The following SP4 variants were observed in gnomAD, a reference collection of about 807,000 sequenced individuals.
SP4 encodes the protein transcription factor Sp4.
In SP4, 19 loss-of-function variants were observed where a neutral mutation model predicts 72.8. The observed-to-expected ratio is 0.26, with a 90% confidence interval of 0.18 to 0.38. The LOEUF (loss-of-function observed/expected upper bound fraction) is 0.38. Among genes scored for constraint, SP4 ranks in the 10% least tolerant of loss-of-function variants. SP4 has a pLI of 1.00. For synonymous variants in SP4, 395 were observed against 333.1 expected (o/e 1.19, Z -2.02); for missense variants, 1,008 against 926.3 (o/e 1.09, Z -1.14).
At chr7:21,491,499 T>C (rs1034035151) in intron 5 of SP4, among the ~76,000 whole-genome samples, 4 of 152,110 alleles carry the variant, frequency 2.6e-5, no homozygotes, top group African/African-American at 9.7e-5. Context: ...TAAGACAAAA[T>C]TTGAAGAAAT....
intron 5 of SP4, among the ~76,000 whole-genome samples, chr7:21,502,994 C>G (rs1781907683): frequency 6.6e-6 from 1 of 152,004 alleles, no homozygotes; most frequent in African/African-American, 2.4e-5. Flanking sequence ...TCCAGGGTCT[C>G]CTTTACCAGT....
At chr7:21,461,725 C>T (rs1015929152) in intron 3 of SP4, among the ~76,000 whole-genome samples, 41 of 152,210 alleles carry the variant, frequency 2.7e-4, no homozygotes, top group Admixed American at 1.4e-3. Context: ...GCTCCTCAAG[C>T]GCAGCCAGAA....
rs1469710278 is a variant in SP4, at chr7:21,477,312, A to G, written c.1907+5A>G. On this transcript the variant is annotated splice_donor_5th_base_variant and intron_variant, in intron 4 of 5. Transcript: ENST00000222584. ...TTGTAGGGAAGGAGAAGGAAGGTAA[A>G]TGCTGTATTTTTCAACTGTGTCTAT... 6.3e-7 allele frequency: 1 copy of G among 1,592,120 alleles called. No individual in the cohort carries two copies. The highest frequency in any genetic ancestry group is 8.6e-7 in the Non-Finnish European group (1 of 1,161,334).
chr7:21,431,046 G>A (rs1373584669), intron 3 of SP4, among the ~76,000 whole-genome samples: 2 of 152,092 alleles, frequency 1.3e-5, no homozygotes. Flanking sequence ...TTATAATAAT[G>A]TGTTAAATTT....
intron 5 of SP4, among the ~76,000 whole-genome samples, chr7:21,497,677 T>C (rs1781754465): frequency 6.6e-6 from 1 of 152,234 alleles, no homozygotes; most frequent in South Asian, 2.1e-4. Flanking sequence ...AATGATGCTG[T>C]CTGTGGCACA....
rs1385305372 is a variant in SP4 at position 21,512,444 on chromosome 7, T to C, written c.*1175T>C. ...CCCTAAAAATTAGCCTAATATATAA[T>C]AGATATATTATGAAGCAAAACTTTT... On this transcript the variant is annotated 3_prime_UTR_variant, in exon 6 of 6. Coordinates refer to ENST00000222584, the MANE Select transcript of SP4 (RefSeq NM_003112.5). 6.6e-6 allele frequency: 1 copy of C among 152,032 alleles called. No homozygotes were observed. The highest frequency in any genetic ancestry group is 1.5e-5 in the Non-Finnish European group (1 of 67,998). 9.4% of individuals were successfully genotyped at this position (152,032 alleles called of 1,614,324 possible). A position where few individuals can be genotyped will look rare whatever the true frequency, so the allele number is the denominator to read the frequency against.
rs898746141 is a variant in SP4 at position 21,511,436 on chromosome 7, A to T, written c.*167A>T. 3 of 634,662 alleles carry T rather than the reference A, an allele frequency of 4.7e-6. No individual in the cohort carries two copies. The African/African-American group carries it at 5.5e-5, about 12-fold the overall frequency. 39.3% of individuals were successfully genotyped at this position (634,662 alleles called of 1,614,324 possible). A position where few individuals can be genotyped will look rare whatever the true frequency, so the allele number is the denominator to read the frequency against. ...TCAACACGTGAAGTGTTGAATTTTA[A>T]AAAATACAAAAAGCAGACTGATGTA... On this transcript the variant is annotated 3_prime_UTR_variant, in exon 6 of 6. Transcript: ENST00000222584.
rs1264692346 is a variant in SP4, at chr7:21,428,213, C to T, written c.-39C>T. ...GCCCCCACCCCCACCCACCTCTATCCCAGTGTCTCCGTCTGAGGGTTTGTC... is the reference window on the plus strand; with the variant it reads ...GCCCCCACCCCCACCCACCTCTATCTCAGTGTCTCCGTCTGAGGGTTTGTC... On this transcript the variant is annotated 5_prime_UTR_variant, in exon 1 of 6. Coordinates refer to ENST00000222584, the MANE Select transcript of SP4 (RefSeq NM_003112.5). The T allele has an allele frequency of 9.7e-7, 1 of 1,035,718 alleles. No individual in the cohort carries two copies. The allele number at this position is 1,035,718 out of a possible 1,614,324, so 64.2% of individuals were successfully genotyped here.
At chr7:21,472,164 A>G (rs1172086967) in intron 3 of SP4, among the ~76,000 whole-genome samples, 1 of 152,240 alleles carries the variant, frequency 6.6e-6, no homozygotes, top group Non-Finnish European at 1.5e-5. Context: ...CAGCTTACAC[A>G]TAGCAGTAAA....
At position 21,428,701 on chromosome 7, in the gene SP4, A is replaced by C. The variant is rs761287117; in HGVS notation, c.32A>C (p.Glu11Ala). 5.9e-5 allele frequency: 91 copies of C among 1,554,304 alleles called. 2 individuals are homozygous for C. In the South Asian group the frequency reaches 6.2e-4, roughly 11 times the overall value. The change falls in exon 2 of 6, where the codon GAG becomes GCG. Residue 11 changes from glutamate to alanine, a missense_variant. Glu to Ala is a moderately radical substitution (Grantham distance 107). Coordinates refer to ENST00000222584, the MANE Select transcript of SP4 (RefSeq NM_003112.5). ...GATCAGAAGAAGGAGGAGGAGGAGG[A>C]GGCGGCAGCGGCAGCGGCGATGGCT... The part of the protein sequence containing the change: MSDQKKEEEE[E>A]AAAAAAMATE...
At chr7:21,458,628 A>G (rs1379383620) in intron 3 of SP4, among the ~76,000 whole-genome samples, 3 of 152,130 alleles carry the variant, frequency 2.0e-5, no homozygotes, top group Non-Finnish European at 2.9e-5. Flanking sequence ...GAAAATTAAT[A>G]TAATAATTTT....
At chr7:21,510,914 T>C in intron 5 of SP4, 108 bp from the exon 6 acceptor site, 1 of 1,092,108 alleles carries the variant, frequency 9.2e-7, no homozygotes, top group Non-Finnish European at 1.3e-6. Flanking sequence ...TTGCAACTAG[T>C]GAAACTGTAC....
chr7:21,491,034 G>A (rs938420798), intron 5 of SP4, among the ~76,000 whole-genome samples: 5 of 152,142 alleles, frequency 3.3e-5, no homozygotes, highest in Admixed American at 3.3e-4. Flanking sequence ...AACATACTAT[G>A]AGCCACGTAA....
At chr7:21,501,063 A>T (rs2189605) in intron 5 of SP4, among the ~76,000 whole-genome samples, 7,503 of 151,348 alleles carry the variant, frequency 0.05, 388 homozygotes, top group African/African-American at 0.13. Context: ...AGTTCCTCAT[A>T]GGTCGAGTAT....
At chr7:21,449,406 G>A (rs1263053748) in intron 3 of SP4, among the ~76,000 whole-genome samples, 1 of 151,832 alleles carries the variant, frequency 6.6e-6, no homozygotes, top group Non-Finnish European at 1.5e-5. Context: ...TTAAAACTTT[G>A]GGCTACTGAT....
At chr7:21,434,875 A>G (rs1038523146) in intron 3 of SP4, among the ~76,000 whole-genome samples, 4 of 152,036 alleles carry the variant, frequency 2.6e-5, no homozygotes, top group Non-Finnish European at 4.4e-5. Flanking sequence ...TTTGACTTCA[A>G]AGGAAAAGCA....
intron 5 of SP4, among the ~76,000 whole-genome samples, chr7:21,498,767 C>T (rs1432335164): frequency 6.6e-6 from 1 of 152,020 alleles, no homozygotes; most frequent in African/African-American, 2.4e-5. Context: ...TATAATAAAC[C>T]AGATTCTTAA....
chr7:21,466,235 G>A (rs1195024699), intron 3 of SP4, among the ~76,000 whole-genome samples: 1 of 152,118 alleles, frequency 6.6e-6, no homozygotes, highest in Non-Finnish European at 1.5e-5. Flanking sequence ...CACATAGCAG[G>A]TACTCAGTAG....
chr7:21,449,566 A>G (rs1783528290), intron 3 of SP4, among the ~76,000 whole-genome samples: 1 of 152,206 alleles, frequency 6.6e-6, no homozygotes. Flanking sequence ...CATATGTTTA[A>G]GTATACGTGT....
Sources: gnomAD v4.1 joint callset for allele counts (sites outside exome capture counted in the v4.1 genomes callset) on GRCh38, gnomAD v4.1.1 for gene constraint, MANE v1.5 for transcripts, NCBI Gene and HGNC (gene_info 2026-07-23, HGNC 2026-07-21) for gene names.